The following TEX11 variants were observed in gnomAD, a reference collection of about 807,000 sequenced individuals.
TEX11 encodes the protein testis expressed 11.
TEX11 carries 7 observed loss-of-function variants against 84.4 expected under a neutral mutation model. The observed-to-expected ratio is 0.08, with a 90% CI of 0.05 to 0.16. TEX11 has a LOEUF of 0.16. TEX11 is among the 10% of genes least tolerant of loss of function. TEX11 has a pLI of 1.00. For missense variants in TEX11, 551 were observed against 660.5 expected, an observed-to-expected ratio of 0.83 and a Z score of 1.82; for synonymous variants, 264 against 222.8, an observed-to-expected ratio of 1.18 and a Z score of -1.64.
chrX:70,604,300 C>T (rs1272607392), intron 24 of TEX11, among the ~76,000 whole-genome samples: 1 of 111,413 alleles, frequency 9.0e-6, no homozygotes, highest in Non-Finnish European at 1.9e-5. Flanking sequence ...GCAAAAGTCC[C>T]TATTGAGAAT....
At chrX:70,813,632 C>T (rs1420367917) in intron 8 of TEX11, among the ~76,000 whole-genome samples, 3 of 110,726 alleles carry the variant, frequency 2.7e-5, no homozygotes, top group African/African-American at 6.6e-5. Context: ...TAAAGGGTAT[C>T]CAATTAGGAA....
intron 9 of TEX11, among the ~76,000 whole-genome samples, chrX:70,750,927 A>AT (rs1556039261): frequency 3.9e-5 from 1 of 25,797 alleles, no homozygotes; most frequent in African/African-American, 9.5e-5. Context: ...ATAATAAAAA[A>AT]AAAAAAATAT....
intron 24 of TEX11, among the ~76,000 whole-genome samples, chrX:70,600,109 T>G (rs1369553912): frequency 9.0e-6 from 1 of 111,540 alleles, no homozygotes; most frequent in Non-Finnish European, 1.9e-5. Flanking sequence ...ACTTCCACAA[T>G]GGTTGAACTA....
At chrX:70,598,581 A>G (rs2089042253) in intron 24 of TEX11, among the ~76,000 whole-genome samples, 1 of 112,401 alleles carries the variant, frequency 8.9e-6, no homozygotes, top group Non-Finnish European at 1.9e-5. Context: ...TCATCACGGC[A>G]TTATTCACAA....
chrX:70,787,826 G>T (rs1243897465), intron 9 of TEX11, among the ~76,000 whole-genome samples: 2 of 111,586 alleles, frequency 1.8e-5, no homozygotes, highest in Non-Finnish European at 3.8e-5. Flanking sequence ...ATACAGTAAA[G>T]TTGCAAAATG....
At chrX:70,573,848 A>G (rs1412775587) in intron 25 of TEX11, among the ~76,000 whole-genome samples, 2 of 111,644 alleles carry the variant, frequency 1.8e-5, no homozygotes, top group Non-Finnish European at 3.8e-5. Context: ...ACATAAAAAC[A>G]TAGATAATCC....
At position 70,666,183 on chromosome X, in the gene TEX11, G is replaced by T. The variant is rs1163477370; in HGVS notation, c.1380+4194C>A. On this transcript the variant is annotated intron_variant, in intron 16 of 29. Transcript: ENST00000374333. ...TATAATGAGAAAACAAGTATCTAGGGATAAACAGAACTGTTACAAAGTCTT... is the reference window on the plus strand; with the variant it reads ...TATAATGAGAAAACAAGTATCTAGGTATAAACAGAACTGTTACAAAGTCTT... Among the ~76,000 whole-genome samples, 3 of 111,535 alleles carry T rather than the reference G, an allele frequency of 2.7e-5. No individual in the cohort carries two copies. The East Asian group carries it at 8.4e-4, about 31-fold the overall frequency.
chrX:70,779,719 C>A (rs1006454940), intron 9 of TEX11, among the ~76,000 whole-genome samples: 4 of 110,335 alleles, frequency 3.6e-5, no homozygotes, highest in African/African-American at 1.3e-4. Flanking sequence ...CAACTGATAT[C>A]AAGAATAAAG....
At chrX:70,723,306 A>G (rs939518258) in intron 12 of TEX11, among the ~76,000 whole-genome samples, 5 of 111,463 alleles carry the variant, frequency 4.5e-5, no homozygotes, top group Admixed American at 9.6e-5. Flanking sequence ...ATAATAGAAA[A>G]GAAGTATACA....
intron 7 of TEX11, among the ~76,000 whole-genome samples, chrX:70,835,827 C>T (rs2091402035): frequency 8.9e-6 from 1 of 111,841 alleles, no homozygotes; most frequent in South Asian, 3.7e-4. Context: ...AAACTACCAT[C>T]AGGGCTGGGC....
chrX:70,876,929 A>T (rs1231470314), intron 3 of TEX11, among the ~76,000 whole-genome samples: 1 of 110,884 alleles, frequency 9.0e-6, no homozygotes, highest in African/African-American at 3.3e-5. Flanking sequence ...ACAAACAAAC[A>T]AACCCAAACT....
At chrX:70,858,960 C>A (rs946287854) in intron 5 of TEX11, among the ~76,000 whole-genome samples, 1 of 110,721 alleles carries the variant, frequency 9.0e-6, no homozygotes, top group Non-Finnish European at 1.9e-5. Context: ...ATCACTTGAA[C>A]CCAGGACGCA....
chrX:70,640,040 A>C lies in TEX11; in HGVS notation c.1484-10305T>G, dbSNP rs1460577164. On this transcript the variant is annotated intron_variant, in intron 17 of 29. Transcript: ENST00000374333. ...CTTTGAAAAAAATTTAGAAGAATGT[A>C]TAACTAGAATAACCAATACAGAGAA... Among the ~76,000 whole-genome samples, 10 of 107,915 alleles carry C rather than the reference A, an allele frequency of 9.3e-5. No individual in the cohort carries two copies. In the East Asian group the frequency reaches 3.0e-3, roughly 32 times the overall value. The allele number at this position is 107,915 out of a possible 115,157, so 93.7% of individuals were successfully genotyped here. A position where few individuals can be genotyped will look rare whatever the true frequency, so the allele number is the denominator to read the frequency against.
rs141106232 is a variant in TEX11, at chrX:70,756,271, A to G, written c.693-12052T>C. Among the ~76,000 whole-genome samples, 214 of 112,369 alleles carry G rather than the reference A, an allele frequency of 1.9e-3. 1 individual carries two copies. Among genetic ancestry groups the G allele is most frequent in the Middle Eastern group, 0.014 (3 of 218 alleles). On this transcript the variant is annotated intron_variant, in intron 9 of 29. Coordinates refer to ENST00000374333, the MANE Select transcript of TEX11 (RefSeq NM_031276.3). ...CTCTGAAGAGAGCAGTGGTTCTCCC[A>G]GCATGGTGTTCAGGTTCAGAGAACG...
chrX:70,577,951 C>T (rs959802698), intron 25 of TEX11, among the ~76,000 whole-genome samples: 3 of 111,202 alleles, frequency 2.7e-5, no homozygotes, highest in Non-Finnish European at 5.7e-5. Flanking sequence ...TGGTCTCGAA[C>T]TCCTGACCTC....
At chrX:70,732,287 T>G (rs1394940222) in intron 11 of TEX11, among the ~76,000 whole-genome samples, 1 of 111,535 alleles carries the variant, frequency 9.0e-6, no homozygotes, top group Non-Finnish European at 1.9e-5. Context: ...CAACATAGTG[T>G]TGGAAGTTCT....
the TEX11 span, among the ~76,000 whole-genome samples, chrX:70,522,982 T>TAA: frequency 0.056 from 6,040 of 108,828 alleles, 440 homozygotes; most frequent in African/African-American, 0.19. Flanking sequence ...TGCTAGGAGT[T>TAA]AAAAAAACAG....
chrX:70,677,959 G>A (rs1480039259), intron 15 of TEX11, among the ~76,000 whole-genome samples: 1 of 108,701 alleles, frequency 9.2e-6, no homozygotes, highest in Non-Finnish European at 1.9e-5. Flanking sequence ...CACTACAGGC[G>A]TGTGCTACCA....
chrX:70,744,160 C>G lies in TEX11; in HGVS notation c.747+5G>C. The G allele has an allele frequency of 9.6e-7, 1 of 1,045,583 alleles. No homozygotes were observed. Among genetic ancestry groups the G allele is most frequent in the Non-Finnish European group, 1.2e-6 (1 of 801,944 alleles). 86.2% of individuals were successfully genotyped at this position (1,045,583 alleles called of 1,213,427 possible). A position where few individuals can be genotyped will look rare whatever the true frequency, so the allele number is the denominator to read the frequency against. On this transcript the variant is annotated splice_donor_5th_base_variant and intron_variant, in intron 10 of 29. Transcript: ENST00000374333. ...TATTTCTACAATATTTAACATGATC[C>G]TTACCAGCATTTCTGGCCCAGTAGA...
Sources: gnomAD v4.1 joint callset for allele counts (sites outside exome capture counted in the v4.1 genomes callset) on GRCh38, gnomAD v4.1.1 for gene constraint, MANE v1.5 for transcripts, NCBI Gene and HGNC (gene_info 2026-07-23, HGNC 2026-07-21) for gene names.